Variants in CIITA observed in about 807,000 individuals in gnomAD.
CIITA encodes the protein MHC class II transactivator.
CIITA carries 72 observed loss-of-function variants against 115.1 expected under a neutral mutation model. The observed-to-expected ratio is 0.63, with a 90% confidence interval of 0.52 to 0.76. The LOEUF is 0.76. CIITA is among the 30% of genes least tolerant of loss of function. The pLI is 0.00. For synonymous variants in CIITA, 763 were observed against 635.6 expected (o/e 1.20, Z -3.02); for missense variants, 1,617 against 1,463.8 (o/e 1.10, Z -1.71).
chr16:10,889,491 A>G (rs1434583528), intron 1 of CIITA, among the ~76,000 whole-genome samples: 2 of 151,020 alleles, frequency 1.3e-5, no homozygotes, highest in African/African-American at 4.9e-5. Flanking sequence ...CCTTCTGATG[A>G]TCCTGCAGGA....
intron 1 of CIITA, among the ~76,000 whole-genome samples, chr16:10,887,748 G>A (rs541719891): frequency 2.6e-5 from 4 of 152,262 alleles, no homozygotes; most frequent in African/African-American, 9.6e-5. Flanking sequence ...GCCAGCCTCG[G>A]CCTCTCAAAG....
chr16:10,917,749 G>A (rs549410751), intron 15 of CIITA, among the ~76,000 whole-genome samples: 2 of 152,236 alleles, frequency 1.3e-5, no homozygotes, highest in Non-Finnish European at 2.9e-5. Context: ...CAAAGTGCTG[G>A]GATTACCGGC....
chr16:10,870,143 G>C (rs2035377080), intron 1 of CIITA, among the ~76,000 whole-genome samples: 1 of 122,818 alleles, frequency 8.1e-6, no homozygotes, highest in Admixed American at 1.0e-4. Flanking sequence ...GGTCTCATGA[G>C]TCCTGGCCAA....
At position 10,942,231 on chromosome 16, in the gene CIITA, G is replaced by T; in HGVS notation, n.1357G>T. 1 of 384,844 alleles carries T rather than the reference G, an allele frequency of 2.6e-6. No individual in the cohort carries two copies. The highest frequency in any genetic ancestry group is 4.7e-5 in the South Asian group (1 of 21,128). The allele number at this position is 384,844 out of a possible 1,614,324, so 23.8% of individuals were successfully genotyped here. On this transcript the variant is annotated non_coding_transcript_exon_variant, in exon 2 of 2. Transcript: ENST00000573379. This position sits in a 1 kb window ranked among gnomAD's most constrained non-coding sequence, Gnocchi z 5.0. Reference sequence around the variant, plus strand: ...GCCCCCAAGGATCTCTCGACCGCCCGGGCGGCGAGGCGGGCCCCCCTGAAG... The same window carrying T: ...GCCCCCAAGGATCTCTCGACCGCCCTGGCGGCGAGGCGGGCCCCCCTGAAG...
intron 13 of CIITA, 109 bp downstream of exon 13, chr16:10,910,368 C>G (rs77686329): frequency 3.2e-4 from 301 of 943,768 alleles, no homozygotes; most frequent in South Asian, 6.4e-4. Context: ...CATTCTTACC[C>G]TCTTGCCCAC....
chr16:10,908,051 G>A lies in CIITA; in HGVS notation c.2559G>A (p.Glu853=), dbSNP rs2039300393. ...CACATGTACTGGGCAAGGCCTTGGA[G>A]GCGGCGGGCCAAGACTTCTCCCTGG... is the stretch of plus-strand genomic sequence containing the variant. ...PDAHVLGKAL[E]AAGQDFSLDL... The change falls in exon 11 of 20, where the codon GAG becomes GAA. Residue 853 remains glutamate, a synonymous_variant. Coordinates refer to ENST00000324288, the MANE Select transcript of CIITA (RefSeq NM_000246.4). 2 of 1,613,390 alleles carry A rather than the reference G, an allele frequency of 1.2e-6. No homozygotes were observed. The highest frequency in any genetic ancestry group is 1.7e-6 in the Non-Finnish European group (2 of 1,179,694).
chr16:10,898,324 C>T (rs562218262), intron 3 of CIITA, among the ~76,000 whole-genome samples: 2 of 151,940 alleles, frequency 1.3e-5, no homozygotes, highest in Admixed American at 6.5e-5. Context: ...AAAATGGAGG[C>T]CCACAGTGGT....
Position 10,906,673 on chromosome 16 carries a change from A to G in CIITA, c.1181A>G (p.Gln394Arg). The change falls in exon 11 of 20, where the codon CAA (glutamine) becomes CGA (arginine). Residue 394 changes from glutamine to arginine, a missense_variant. Gln to Arg is a conservative substitution (Grantham distance 43). Coordinates refer to ENST00000324288, the MANE Select transcript of CIITA (RefSeq NM_000246.4). Reference sequence around the variant, plus strand: ...GACTGGGCAGAACGGCAGCTGGCCCAAGGAGGCCTGGCTGAGGTGCTGTTG... The same window carrying G: ...GACTGGGCAGAACGGCAGCTGGCCCGAGGAGGCCTGGCTGAGGTGCTGTTG... ...TPDWAERQLA[Q>R]GGLAEVLLAA... The G allele has an allele frequency of 6.2e-7, 1 of 1,613,328 alleles. No individual in the cohort carries two copies. Among genetic ancestry groups the G allele is most frequent in the South Asian group, 1.1e-5 (1 of 91,078 alleles).
chr16:10,911,908 C>T (rs1192707475), intron 13 of CIITA, among the ~76,000 whole-genome samples: 1 of 152,190 alleles, frequency 6.6e-6, no homozygotes, highest in Non-Finnish European at 1.5e-5. Flanking sequence ...AGGCCACCCT[C>T]CTCTACAGGC....
In CIITA at chr16:10,901,647, G is replaced by C; in HGVS notation, c.481+89G>C. 7.3e-7 allele frequency: 1 copy of C among 1,376,124 alleles called. No individual in the cohort carries two copies. The highest frequency in any genetic ancestry group is 1.2e-5 in the South Asian group (1 of 82,750). The allele number at this position is 1,376,124 out of a possible 1,614,324, so 85.2% of individuals were successfully genotyped here. ...TTGAACTCCTGGCCCAAGTCTGATG[G>C]GGATGGTGCATGGTGCAGCCCCTGC... On this transcript the variant is annotated intron_variant, in intron 6 of 19. Coordinates refer to ENST00000324288, the MANE Select transcript of CIITA (RefSeq NM_000246.4). The surrounding 1 kb of genome is among the most constrained non-coding windows in gnomAD (Gnocchi z 6.8).
At position 10,882,506 on chromosome 16, in the gene CIITA, A is replaced by G. The variant is rs536393468; in HGVS notation, c.52+5124A>G. 7.9e-5 allele frequency among the ~76,000 whole-genome samples: 12 copies of G among 152,326 alleles called. No individual in the cohort carries two copies. The South Asian group carries it at 2.3e-3, about 29-fold the overall frequency. ...CACCTTGGGAGGTCAAGGCAGGATG[A>G]TGGCTTGAGACCAGGAGTTCAAGAC... is the stretch of plus-strand genomic sequence containing the variant. On this transcript the variant is annotated intron_variant, in intron 1 of 19. Coordinates refer to ENST00000324288, the MANE Select transcript of CIITA (RefSeq NM_000246.4).
chr16:10,902,900 T>C, intron 8 of CIITA, 99 bp downstream of exon 8: 2 of 1,389,300 alleles, frequency 1.4e-6, no homozygotes, highest in Non-Finnish European at 2.0e-6. Flanking sequence ...AGTGGTGCCC[T>C]AGCACCTTCT....
chr16:10,922,122 A>G, intron 16 of CIITA, 45 bp from the exon 17 acceptor site: 2 of 1,558,814 alleles, frequency 1.3e-6, no homozygotes, highest in South Asian at 2.2e-5. Context: ...AAGGCTGACC[A>G]TGCACAGGCC....
At chr16:10,911,788 C>A (rs1412589509) in intron 13 of CIITA, among the ~76,000 whole-genome samples, 2 of 151,870 alleles carry the variant, frequency 1.3e-5, no homozygotes, top group South Asian at 4.2e-4. Flanking sequence ...TGGGCTCAAG[C>A]AATCCTCCCA....
In CIITA at chr16:10,902,136, G is replaced by A. The variant is rs199476065; in HGVS notation, c.580G>A (p.Glu194Lys). 3 of 1,614,214 alleles carry A rather than the reference G, an allele frequency of 1.9e-6. No homozygotes were observed. The African/African-American group carries it at 4.0e-5, about 22-fold the overall frequency. Reference sequence around the variant, plus strand: ...GCCACTGCCTGCGCTGTTCAACCAGGAGCCAGCCTCCGGCCAGATGCGCCT... The same window carrying A: ...GCCACTGCCTGCGCTGTTCAACCAGAAGCCAGCCTCCGGCCAGATGCGCCT... The part of the protein sequence containing the change: ...CLPLPALFNQ[E>K]PASGQMRLEK... The change falls in exon 7 of 20, where the codon GAG becomes AAG. Residue 194 changes from glutamate to lysine, a missense_variant. Coordinates refer to ENST00000324288, the MANE Select transcript of CIITA (RefSeq NM_000246.4).
rs1190160428 is a variant in CIITA at position 10,895,729 on chromosome 16, G to T, written c.260G>T (p.Gly87Val). The T allele has an allele frequency of 6.2e-7, 1 of 1,614,124 alleles. No individual in the cohort carries two copies. Among genetic ancestry groups the T allele is most frequent in the Non-Finnish European group, 8.5e-7 (1 of 1,180,032 alleles). The change falls in exon 3 of 20, where the codon GGT (glycine) becomes GTT (valine). Residue 87 changes from glycine to valine, a missense_variant. By Grantham distance (109) the Gly-to-Val change is moderately radical. Transcript: ENST00000324288. ...AGCAGGCTGTTGTGTGACATGGAAG[G>T]TGATGAAGAGACCAGGGAGGCTTAT... is the stretch of plus-strand genomic sequence containing the variant. ...QFSRLLCDMEGDEETREAYAN... is the reference protein window; with the variant it reads ...QFSRLLCDMEVDEETREAYAN...
rs1306722352 is a variant in CIITA, at chr16:10,935,623, G to A, written c.*11768G>A. The stretch of plus-strand genomic sequence containing the variant: ...GGAATAATAGTAACTTGACAGTGGA[G>A]AGACCTGGCAGACACCACCTTCACC... On this transcript the variant is annotated 3_prime_UTR_variant, in exon 20 of 20. Coordinates refer to ENST00000324288, the MANE Select transcript of CIITA (RefSeq NM_000246.4). The A allele has an allele frequency of 1.3e-5, 2 of 152,228 alleles. No individual in the cohort carries two copies. The highest frequency in any genetic ancestry group is 3.8e-4 in the East Asian group (2 of 5,206). The allele number at this position is 152,228 out of a possible 1,614,324, so 9.4% of individuals were successfully genotyped here. A position where few individuals can be genotyped will look rare whatever the true frequency, so the allele number is the denominator to read the frequency against.
chr16:10,876,824 G>GCT (rs2035880164), upstream of CIITA, among the ~76,000 whole-genome samples: 1 of 152,206 alleles, frequency 6.6e-6, no homozygotes, highest in African/African-American at 2.4e-5. Flanking sequence ...CCCAGCAGAG[G>GCT]CTCTCAGCTT....
intron 1 of CIITA, among the ~76,000 whole-genome samples, chr16:10,870,093 T>C (rs377726520): frequency 2.2e-4 from 2 of 9,262 alleles, no homozygotes; most frequent in Admixed American, 1.7e-3. Flanking sequence ...GAGAAGTTAA[T>C]GATTTGCCTC....
Sources: allele counts gnomAD v4.1 joint callset (sites outside exome capture counted in the v4.1 genomes callset), GRCh38; gene constraint gnomAD v4.1.1; non-coding constraint Gnocchi (gnomAD v3.1); transcripts MANE v1.5; gene names NCBI Gene and HGNC (gene_info 2026-07-23, HGNC 2026-07-21).